Variants in GNL3 observed in about 807,000 individuals in gnomAD.
The protein encoded by GNL3 is G protein nucleolar 3, also known as guanine nucleotide-binding protein-like 3.
Under a neutral mutation model 70.6 loss-of-function variants are expected in GNL3, and 77 were observed. The ratio of observed to expected loss-of-function variants is 1.09; its 90% CI spans 0.91 to 1.32. The LOEUF (loss-of-function observed/expected upper bound fraction) is 1.32, where lower values mean the gene tolerates loss of function less well. Ranked by LOEUF, GNL3 falls within the 40% of genes most tolerant of loss-of-function variation. The pLI is 0.00. For synonymous variants in GNL3, 252 were observed against 216.1 expected (o/e 1.17, Z -1.46); for missense variants, 634 against 644.0 (o/e 0.98, Z 0.17).
At chr3:52,690,469 T>C in intron 6 of GNL3, 123 bp from the exon 7 acceptor site, 1 of 622,092 alleles carries the variant, frequency 1.6e-6, no homozygotes. Context: ...TTTATCGTGT[T>C]AGCCAGGATG....
intron 8 of GNL3, 31 bp downstream of exon 8, chr3:52,691,102 T>A (rs756284776): frequency 5.0e-5 from 80 of 1,601,680 alleles, no homozygotes; most frequent in Admixed American, 8.4e-5. Flanking sequence ...TTTTACTTTT[T>A]AAGTGTTGAA....
intron 6 of GNL3, among the ~76,000 whole-genome samples, chr3:52,689,729 C>T (rs970335100): frequency 2.6e-5 from 4 of 152,042 alleles, no homozygotes; most frequent in African/African-American, 9.7e-5. Context: ...GAAGTGGGCA[C>T]ATCACTTGAG....
intron 7 of GNL3, 96 bp downstream of exon 7, chr3:52,690,800 C>T (rs2097326512): frequency 1.7e-6 from 2 of 1,146,076 alleles, no homozygotes; most frequent in Non-Finnish European, 1.3e-6. Context: ...TGAAAAATTA[C>T]AAGATCCAAC....
At chr3:52,688,270 A>G in intron 5 of GNL3, 78 bp downstream of exon 5, 1 of 841,882 alleles carries the variant, frequency 1.2e-6, no homozygotes, top group East Asian at 2.5e-5. Flanking sequence ...TAACCTTTTA[A>G]GATGAAGGGT....
intron 6 of GNL3, among the ~76,000 whole-genome samples, chr3:52,690,261 CTTTTTCTT>C (rs1386799353): frequency 2.6e-5 from 4 of 152,004 alleles, no homozygotes; most frequent in African/African-American, 9.7e-5. Context: ...GAGCAAATGT[CTTTTTCTT>C]TTTTTCTTTT....
chr3:52,687,952 C>T, intron 4 of GNL3, 157 bp from the exon 5 acceptor site: 1 of 641,172 alleles, frequency 1.6e-6, no homozygotes, highest in East Asian at 2.6e-5. Flanking sequence ...AGCACATCCA[C>T]AGGCTGCTGA....
intron 1 of GNL3, 58 bp downstream of exon 1, chr3:52,686,163 AC>A: frequency 6.4e-7 from 1 of 1,567,712 alleles, no homozygotes; most frequent in South Asian, 1.1e-5. Context: ...TGCTGCAGCC[AC>A]CACGACGCTC....
intron 4 of GNL3, 179 bp downstream of exon 4, chr3:52,687,794 G>T: frequency 3.3e-6 from 2 of 601,442 alleles, no homozygotes; most frequent in Non-Finnish European, 6.0e-6. Context: ...ATCACGCCTG[G>T]CTAATTTTTT....
chr3:52,689,437 G>A, intron 6 of GNL3: 1 of 595,834 alleles, frequency 1.7e-6, no homozygotes, highest in Non-Finnish European at 3.1e-6. Flanking sequence ...TTTAAATAAA[G>A]AGTGTAAGCT....
intron 6 of GNL3, 133 bp downstream of exon 6, chr3:52,689,339 A>G (rs751234616): frequency 1.1e-6 from 1 of 877,340 alleles, no homozygotes; most frequent in South Asian, 1.3e-5. Context: ...TTTGCCAGAG[A>G]CAGTGCTAGG....
Position 52,687,648 on chromosome 3 carries a change from AGGGGT to A in GNL3, c.324+34_324+38del, listed in dbSNP as rs756377345. 7 of 1,381,148 alleles carry A rather than the reference AGGGGT, an allele frequency of 5.1e-6. No individual in the cohort carries two copies. The East Asian group carries it at 1.6e-4, about 32-fold the overall frequency. 85.6% of individuals were successfully genotyped at this position (1,381,148 alleles called of 1,614,324 possible). A position where few individuals can be genotyped will look rare whatever the true frequency, so the allele number is the denominator to read the frequency against. On this transcript the variant is annotated intron_variant, in intron 4 of 14. Transcript: ENST00000418458. ...TAGGTCTCTTTATGAATGAGAGATC[AGGGGT>A]TTTGATTTTGGTTTTTTTGCTTGGG...
chr3:52,688,394 C>CT (rs1243917042), intron 5 of GNL3, among the ~76,000 whole-genome samples: 1 of 152,164 alleles, frequency 6.6e-6, no homozygotes, highest in East Asian at 1.9e-4. Flanking sequence ...TCCTGATCCT[C>CT]TCCCTCCTCC....
chr3:52,687,386 A>G lies in GNL3; in HGVS notation c.210+3A>G. The G allele has an allele frequency of 1.9e-6, 3 of 1,613,190 alleles. No individual in the cohort carries two copies. Among genetic ancestry groups the G allele is most frequent in the Non-Finnish European group, 2.5e-6 (3 of 1,179,624 alleles). ...AAGCTGAGCTAAGGAAACAGAGGGT[A>G]AGTTATGTTAGCCAGAATTTTCATT... On this transcript the variant is annotated splice_donor_region_variant and intron_variant, in intron 3 of 14. Transcript: ENST00000418458.
chr3:52,693,082 ATCT>A (rs757468496), intron 10 of GNL3, 36 bp downstream of exon 10: 23 of 1,607,208 alleles, frequency 1.4e-5, no homozygotes, highest in Admixed American at 1.7e-5. Flanking sequence ...CCTTGGAGCC[ATCT>A]TCTTTCATCA....
Position 52,690,967 on chromosome 3 carries a change from C to G in GNL3, c.677C>G (p.Ala226Gly). 6.2e-7 allele frequency: 1 copy of G among 1,613,728 alleles called. No individual in the cohort carries two copies. The highest frequency in any genetic ancestry group is 8.5e-7 in the Non-Finnish European group (1 of 1,179,608). Residue 226 changes from alanine (A) to glycine (G), a missense_variant, in exon 8 of 15, where the codon GCT becomes GGT. Physicochemically the swap from Ala to Gly is moderately conservative, Grantham distance 60. Transcript: ENST00000418458. ...TAGCGTGTGAAGGCAAAGAAGAATGCTGCTCCATTCAGAAGTGAAGTCTGC... is the reference window on the plus strand; with the variant it reads ...TAGCGTGTGAAGGCAAAGAAGAATGGTGCTCCATTCAGAAGTGAAGTCTGC... ...ITKRVKAKKN[A>G]APFRSEVCFG...
intron 7 of GNL3, 40 bp from the exon 8 acceptor site, chr3:52,690,905 A>C: frequency 6.2e-7 from 1 of 1,603,368 alleles, no homozygotes; most frequent in South Asian, 1.1e-5. Context: ...GAAATTTATC[A>C]GGTAAGTTGC....
chr3:52,689,399 T>G (rs1389453608), intron 6 of GNL3, 193 bp downstream of exon 6: 10 of 699,880 alleles, frequency 1.4e-5, no homozygotes, highest in Non-Finnish European at 2.6e-5. Flanking sequence ...GTTTCTACTA[T>G]TCTTTTGCCA....
intron 14 of GNL3, 37 bp downstream of exon 14, chr3:52,694,140 G>A (rs201653148): frequency 1.9e-6 from 3 of 1,588,850 alleles, no homozygotes; most frequent in Non-Finnish European, 8.6e-7. Context: ...GAAGCAGCAT[G>A]GTATAGAATC....
chr3:52,690,948 G>C lies in GNL3; in HGVS notation c.658G>C (p.Val220Leu), dbSNP rs763389684. The C allele has an allele frequency of 5.0e-6, 8 of 1,613,874 alleles. No individual in the cohort carries two copies. The highest frequency in any genetic ancestry group is 6.8e-6 in the Non-Finnish European group (8 of 1,179,794). ...PKDKGKITKR[V>L]KAKKNAAPFR... The stretch of plus-strand genomic sequence containing the variant: ...ATTCAACTATTTGGAATTTTAGCGT[G>C]TGAAGGCAAAGAAGAATGCTGCTCC... Residue 220 changes from valine (V) to leucine (L), a missense_variant, in exon 8 of 15, where the codon GTG (valine) becomes CTG (leucine). By Grantham distance (32) the Val-to-Leu change is conservative. Coordinates refer to ENST00000418458, the MANE Select transcript of GNL3 (RefSeq NM_014366.5).
Sources: gnomAD v4.1 joint callset for allele counts (sites outside exome capture counted in the v4.1 genomes callset) on GRCh38, gnomAD v4.1.1 for gene constraint, MANE v1.5 for transcripts, NCBI Gene and HGNC (gene_info 2026-07-23, HGNC 2026-07-21) for gene names.